MUC12: variants seen among roughly 807,000 people sequenced by gnomAD.
MUC12 encodes the protein mucin 12, cell surface associated, also known as mucin-12.
In MUC12, 172 loss-of-function variants were observed where a neutral mutation model predicts 230.8. The ratio of observed to expected loss-of-function variants is 0.75; its 90% confidence interval spans 0.66 to 0.85. The LOEUF (loss-of-function observed/expected upper bound fraction) is 0.85. Among genes scored for constraint, MUC12 ranks in the 40% least tolerant of loss-of-function variants. MUC12 has a pLI of 0.00. For missense variants in MUC12, 3,506 were observed against 5,920.6 expected, an observed-to-expected ratio of 0.59 and a Z score of 13.38; for synonymous variants, 1,259 against 2,401.9, an observed-to-expected ratio of 0.52 and a Z score of 13.91.
chr7:100,981,470 C>A, intron 1 of MUC12: 1 of 531,874 alleles, frequency 1.9e-6, no homozygotes, highest in East Asian at 3.4e-5. Context: ...AGTGAGCAGG[C>A]AAGGGCTGCA....
intron 3 of MUC12, 31 bp from the exon 4 acceptor site, chr7:101,008,603 G>C (rs1215666096): frequency 6.5e-7 from 1 of 1,532,396 alleles, no homozygotes; most frequent in East Asian, 2.4e-5. Context: ...GGAGGTCGCT[G>C]TCTCACGCAT....
At chr7:101,010,902 G>A (rs551786031) in intron 5 of MUC12, among the ~76,000 whole-genome samples, 4 of 152,032 alleles carry the variant, frequency 2.6e-5, no homozygotes, top group Non-Finnish European at 5.9e-5. Flanking sequence ...CTCCCGCCTC[G>A]GCCTCCCAAA....
In MUC12 at chr7:100,993,457, G is replaced by A. The variant is rs1189947079; in HGVS notation, c.2894G>A (p.Arg965His). Residue 965 changes from arginine to histidine, a missense_variant, in exon 2 of 12, where the codon CGC becomes CAC. Transcript: ENST00000536621. ...TCAGGCATCGTTGAAGCATCTACAC[G>A]CGTCCACAGCAGCACTGGCTCACCA... ...TSSGIVEAST[R>H]VHSSTGSPRT... 2.9e-5 allele frequency: 30 copies of A among 1,021,420 alleles called. 9 individuals carry two copies. The East Asian group carries it at 7.5e-4, about 25-fold the overall frequency. 63.3% of individuals were successfully genotyped at this position (1,021,420 alleles called of 1,614,324 possible). A position where few individuals can be genotyped will look rare whatever the true frequency, so the allele number is the denominator to read the frequency against.
intron 1 of MUC12, among the ~76,000 whole-genome samples, chr7:100,985,195 T>C (rs1399909152): frequency 1.3e-5 from 2 of 152,020 alleles, no homozygotes; most frequent in African/African-American, 2.4e-5. Context: ...ACTTGGTGGG[T>C]TGGGGGAGCC....
At chr7:100,974,319 GTA>G (rs1792977568) in intron 1 of MUC12, among the ~76,000 whole-genome samples, 1 of 38,842 alleles carries the variant, frequency 2.6e-5, no homozygotes, top group African/African-American at 9.2e-5. Context: ...ACAATGAGAT[GTA>G]TGTTAGGCCA....
chr7:101,011,068 G>A (rs926820828), intron 5 of MUC12, among the ~76,000 whole-genome samples: 1 of 152,166 alleles, frequency 6.6e-6, no homozygotes, highest in Admixed American at 6.5e-5. Context: ...GGCACAAAAC[G>A]AGGGTGTCCC....
rs146662627 is a variant in MUC12 at position 100,980,322 on chromosome 7, G to A, written c.68-10309G>A. ...CTCCCAAAGTCCTGGGATTACAGGCGTGAGCCACCATGCCCAGCCTGAAGA... is the reference window on the plus strand; with the variant it reads ...CTCCCAAAGTCCTGGGATTACAGGCATGAGCCACCATGCCCAGCCTGAAGA... On this transcript the variant is annotated intron_variant, in intron 1 of 11. Transcript: ENST00000536621. 8.8e-3 allele frequency among the ~76,000 whole-genome samples: 1,347 copies of A among 152,206 alleles called. 16 individuals carry two copies. Among genetic ancestry groups the A allele is most frequent in the Middle Eastern group, 0.058 (17 of 294 alleles).
chr7:100,988,945 T>C (rs563393539), intron 1 of MUC12, among the ~76,000 whole-genome samples: 1 of 152,182 alleles, frequency 6.6e-6, no homozygotes, highest in Admixed American at 6.5e-5. Flanking sequence ...TTCACTTGGC[T>C]CTCATTCTCT....
Position 100,995,452 on chromosome 7 carries a change from C to G in MUC12, c.4889C>G (p.Pro1630Arg), listed in dbSNP as rs1157203787. 2.0e-6 allele frequency: 3 copies of G among 1,531,044 alleles called. No homozygotes were observed. The highest frequency in any genetic ancestry group is 3.9e-5 in the Admixed American group (2 of 50,672). 94.8% of individuals were successfully genotyped at this position (1,531,044 alleles called of 1,614,324 possible). A position where few individuals can be genotyped will look rare whatever the true frequency, so the allele number is the denominator to read the frequency against. Residue 1630 changes from proline (P) to arginine (R), a missense_variant, in exon 2 of 12, where the codon CCA (proline) becomes CGA (arginine). By Grantham distance (103) the Pro-to-Arg change is moderately radical. Transcript: ENST00000536621. ...AGTACCACAGCATCATCCCTTGGTCCAGAATCTACTACTTTCCACAGCAGC... is the reference window on the plus strand; with the variant it reads ...AGTACCACAGCATCATCCCTTGGTCGAGAATCTACTACTTTCCACAGCAGC... The part of the protein sequence containing the change: ...PGSTTASSLG[P>R]ESTTFHSSPG...
rs1793326852 is a variant in MUC12 at position 100,992,047 on chromosome 7, C to T, written c.1484C>T (p.Thr495Ile). Reference protein sequence around the residue: ...TKPGLSEKSTTFYSSPRSPDT... With the variant: ...TKPGLSEKSTIFYSSPRSPDT... ...CCAGGCCTCAGTGAGAAATCTACCA[C>T]TTTCTACAGTAGCCCCAGATCACCA... Residue 495 changes from threonine to isoleucine, a missense_variant, in exon 2 of 12, where the codon ACT (threonine) becomes ATT (isoleucine). Coordinates refer to ENST00000536621, the MANE Select transcript of MUC12 (RefSeq NM_001164462.2). 5 of 1,537,874 alleles carry T rather than the reference C, an allele frequency of 3.3e-6. No individual in the cohort carries two copies. The highest frequency in any genetic ancestry group is 4.4e-6 in the Non-Finnish European group (5 of 1,147,074).
In MUC12 at chr7:100,995,876, G is replaced by A. The variant is rs202193749; in HGVS notation, c.5313G>A (p.Ala1771=). 191 of 1,420,546 alleles carry A rather than the reference G, an allele frequency of 1.3e-4. No individual in the cohort carries two copies. The highest frequency in any genetic ancestry group is 1.6e-4 in the Non-Finnish European group (171 of 1,061,036). 88.0% of individuals were successfully genotyped at this position (1,420,546 alleles called of 1,614,324 possible). The change falls in exon 2 of 12, where the codon GCG becomes GCA. Residue 1771 remains alanine, a synonymous_variant. Transcript: ENST00000536621. ...CAGGCCTCGTTGAAGAATCTACGGC[G>A]TACCACAGCAGCCCGGGCTCAACTC... ...TTSGLVEEST[A]YHSSPGSTQT...
chr7:100,988,559 T>C (rs1322039432), intron 1 of MUC12, among the ~76,000 whole-genome samples: 1 of 152,188 alleles, frequency 6.6e-6, no homozygotes, highest in Non-Finnish European at 1.5e-5. Flanking sequence ...AAAGGCCTAA[T>C]AGAGGTGGCT....
chr7:101,011,033 C>A (rs1317447519), intron 5 of MUC12, among the ~76,000 whole-genome samples: 2 of 152,038 alleles, frequency 1.3e-5, no homozygotes, highest in Non-Finnish European at 2.9e-5. Context: ...AGAGATGGCT[C>A]AGGTCGGGGG....
intron 1 of MUC12, among the ~76,000 whole-genome samples, chr7:100,975,567 A>C (rs1355049708): frequency 6.6e-6 from 1 of 152,300 alleles, no homozygotes; most frequent in Non-Finnish European, 1.5e-5. Context: ...GCTCTGGATA[A>C]GGCAGGGTGA....
At chr7:101,014,145 G>T in intron 9 of MUC12, 71 bp downstream of exon 9, 1 of 1,429,412 alleles carries the variant, frequency 7.0e-7, no homozygotes, top group Non-Finnish European at 9.2e-7. Flanking sequence ...CTGTCTGAAT[G>T]TCCTAAGGCT....
chr7:100,992,379 A>G lies in MUC12; in HGVS notation c.1816A>G (p.Met606Val). The G allele has an allele frequency of 2.0e-6, 3 of 1,536,684 alleles. No homozygotes were observed. The highest frequency in any genetic ancestry group is 1.2e-5 in the South Asian group (1 of 83,988). Residue 606 changes from methionine to valine, a missense_variant, in exon 2 of 12, where the codon ATG (methionine) becomes GTG (valine). Physicochemically the swap from Met to Val is conservative, Grantham distance 21. Transcript: ENST00000536621. ...AGCCTCAGGACTCCTTGAAGCATCT[A>G]TGCCCGTCCACAGCAGCACCAGATC... is the stretch of plus-strand genomic sequence containing the variant. The part of the protein sequence containing the change: ...TTASGLLEAS[M>V]PVHSSTRSPH...
intron 5 of MUC12, among the ~76,000 whole-genome samples, chr7:101,009,476 A>C (rs1159442211): frequency 1.3e-5 from 2 of 152,218 alleles, no homozygotes; most frequent in African/African-American, 2.4e-5. Context: ...AGGGGCACAC[A>C]GGGTGCCCTG....
At position 100,994,655 on chromosome 7, in the gene MUC12, G is replaced by C. The variant is rs1183095686; in HGVS notation, c.4092G>C (p.Glu1364Asp). 1 of 1,462,226 alleles carries C rather than the reference G, an allele frequency of 6.8e-7. No homozygotes were observed. The highest frequency in any genetic ancestry group is 9.0e-7 in the Non-Finnish European group (1 of 1,109,228). 90.6% of individuals were successfully genotyped at this position (1,462,226 alleles called of 1,614,324 possible). A position where few individuals can be genotyped will look rare whatever the true frequency, so the allele number is the denominator to read the frequency against. The change falls in exon 2 of 12, where the codon GAG becomes GAC. Residue 1364 changes from glutamate (E) to aspartate (D), a missense_variant. Coordinates refer to ENST00000536621, the MANE Select transcript of MUC12 (RefSeq NM_001164462.2). ...TTSHSSQGST[E>D]ATLSPGSTTA... is the part of the protein sequence containing the mutation. ...CCCACAGCAGCCAAGGCTCAACAGAGGCAACACTGTCCCCTGGCAGTACCA... is the reference window on the plus strand; with the variant it reads ...CCCACAGCAGCCAAGGCTCAACAGACGCAACACTGTCCCCTGGCAGTACCA...
At chr7:100,976,164 G>A (rs1045092187) in intron 1 of MUC12, among the ~76,000 whole-genome samples, 2 of 92,550 alleles carry the variant, frequency 2.2e-5, no homozygotes, top group African/African-American at 8.0e-5. Flanking sequence ...TGTAGTCCCA[G>A]CTGCTCAGGA....
Sources: allele counts gnomAD v4.1 joint callset (sites outside exome capture counted in the v4.1 genomes callset), GRCh38; gene constraint gnomAD v4.1.1; transcripts MANE v1.5; gene names NCBI Gene and HGNC (gene_info 2026-07-23, HGNC 2026-07-21).